Variants in PADI6 observed in about 807,000 individuals in gnomAD.
The protein encoded by PADI6 is inactive protein-arginine deiminase type-6.
Under a neutral mutation model 78.2 loss-of-function variants are expected in PADI6, and 66 were observed. The ratio of observed to expected loss-of-function variants is 0.84; its 90% CI spans 0.69 to 1.04. PADI6 has a LOEUF of 1.04. Among genes scored for constraint, PADI6 ranks in the 50% least tolerant of loss-of-function variants. PADI6 has a pLI of 0.00. For synonymous variants in PADI6, 397 were observed against 346.9 expected, an observed-to-expected ratio of 1.14 and a Z score of -1.60; for missense variants, 854 against 866.1, an observed-to-expected ratio of 0.99 and a Z score of 0.18.
intron 6 of PADI6, among the ~76,000 whole-genome samples, chr1:17,385,363 G>A (rs7523430): frequency 0.048 from 7,352 of 152,190 alleles, 232 homozygotes; most frequent in African/African-American, 0.077. Flanking sequence ...GTGTGGGAGT[G>A]GACAGTGTGT....
At chr1:17,376,182 C>T (rs2075014192) in intron 3 of PADI6, among the ~76,000 whole-genome samples, 1 of 151,444 alleles carries the variant, frequency 6.6e-6, no homozygotes, top group Admixed American at 6.6e-5. Context: ...ACCATGTTGG[C>T]CAGGCTGGTC....
Position 17,382,914 on chromosome 1 carries a change from C to G in PADI6, c.679+822C>G, listed in dbSNP as rs143910166. On this transcript the variant is annotated intron_variant, in intron 6 of 15. Transcript: ENST00000619609. ...CAAGCAGTCCTCCTACCTCACACTC[C>G]CAAGGAGCTGGTATGACAGGTGTGT... 3.3e-5 allele frequency among the ~76,000 whole-genome samples: 5 copies of G among 152,294 alleles called. No homozygotes were observed. In the East Asian group the frequency reaches 9.7e-4, roughly 29 times the overall value.
chr1:17,398,937 G>A (rs2100328746), intron 15 of PADI6, 90 bp downstream of exon 15: 9 of 1,392,076 alleles, frequency 6.5e-6, no homozygotes, highest in Middle Eastern at 1.9e-4. Context: ...CAGATATGGT[G>A]GACAGCAGAT....
At chr1:17,399,500 CAGG>C (rs1461114044) in intron 15 of PADI6, among the ~76,000 whole-genome samples, 2 of 152,018 alleles carry the variant, frequency 1.3e-5, no homozygotes, top group South Asian at 2.1e-4. Flanking sequence ...GAGGCAGAGA[CAGG>C]AGAATTGCTT....
intron 3 of PADI6, among the ~76,000 whole-genome samples, chr1:17,377,308 T>C (rs1409155183): frequency 1.3e-5 from 2 of 152,156 alleles, no homozygotes; most frequent in East Asian, 1.9e-4. Flanking sequence ...CTTAACACAC[T>C]TGAACGCTTC....
intron 6 of PADI6, among the ~76,000 whole-genome samples, chr1:17,387,024 A>G (rs899595539): frequency 1.3e-5 from 2 of 152,216 alleles, no homozygotes; most frequent in African/African-American, 4.8e-5. Flanking sequence ...GTCACCTGGA[A>G]TCTTGAGCAG....
At chr1:17,391,584 G>A (rs986811463) in intron 8 of PADI6, among the ~76,000 whole-genome samples, 2 of 152,238 alleles carry the variant, frequency 1.3e-5, no homozygotes, top group Non-Finnish European at 2.9e-5. Context: ...GATGGCCACT[G>A]TAGATCTGTG....
At chr1:17,393,674 C>T (rs914758492) in intron 9 of PADI6, among the ~76,000 whole-genome samples, 10 of 152,100 alleles carry the variant, frequency 6.6e-5, no homozygotes, top group Admixed American at 6.6e-4. Context: ...ACTGTCTCAC[C>T]ATGTTTCCCA....
intron 4 of PADI6, 41 bp from the exon 5 acceptor site, chr1:17,381,006 T>A: frequency 6.7e-7 from 1 of 1,492,206 alleles, no homozygotes. Flanking sequence ...AGAAGATTTA[T>A]TTGGCTCCTT....
At chr1:17,389,790 A>G (rs1383975834) in intron 8 of PADI6, among the ~76,000 whole-genome samples, 1 of 152,158 alleles carries the variant, frequency 6.6e-6, no homozygotes, top group African/African-American at 2.4e-5. Flanking sequence ...TAGACACAGC[A>G]TGGCTCAAGC....
At chr1:17,384,662 C>T (rs1393279511) in intron 6 of PADI6, among the ~76,000 whole-genome samples, 1 of 152,056 alleles carries the variant, frequency 6.6e-6, no homozygotes, top group Non-Finnish European at 1.5e-5. Flanking sequence ...TCATGTGAAC[C>T]CGGGAGGCAG....
At chr1:17,385,463 T>G (rs1398304430) in intron 6 of PADI6, among the ~76,000 whole-genome samples, 1 of 151,946 alleles carries the variant, frequency 6.6e-6, no homozygotes, top group African/African-American at 2.4e-5. Context: ...TAGGAGGATC[T>G]GGGACTGAGG....
intron 15 of PADI6, among the ~76,000 whole-genome samples, chr1:17,400,529 T>C (rs1257145596): frequency 1.3e-5 from 2 of 152,100 alleles, no homozygotes; most frequent in Admixed American, 6.6e-5. Context: ...TTTGTTTTTG[T>C]TTTTTAAATT....
intron 7 of PADI6, 104 bp from the exon 8 acceptor site, chr1:17,388,673 G>A (rs2075151357): frequency 6.9e-7 from 1 of 1,459,092 alleles, no homozygotes. Flanking sequence ...CAGAAGGCAA[G>A]TGGGGCCCAG....
intron 11 of PADI6, 144 bp from the exon 12 acceptor site, chr1:17,394,807 C>T (rs1001584012): frequency 1.0e-5 from 10 of 999,080 alleles, no homozygotes; most frequent in African/African-American, 6.5e-5. Context: ...GTAAGGGATT[C>T]GTAACCAACA....
At chr1:17,386,107 C>CT (rs1226553884) in intron 6 of PADI6, among the ~76,000 whole-genome samples, 1 of 152,112 alleles carries the variant, frequency 6.6e-6, no homozygotes, top group Non-Finnish European at 1.5e-5. Context: ...TCTGTGAGGA[C>CT]TGAGGGCAGG....
At position 17,372,254 on chromosome 1, in the gene PADI6, C is replaced by G. The variant is rs749396125; in HGVS notation, c.9C>G (p.Ser3Arg). MV[S>R]VEGRAMSFQS... is the part of the protein sequence containing the mutation. Reference sequence around the variant, plus strand: ...GCGGTGCAGGCCTGAGGATGGTCAGCGTGGAGGGCCGAGCCATGTCCTTCC... The same window carrying G: ...GCGGTGCAGGCCTGAGGATGGTCAGGGTGGAGGGCCGAGCCATGTCCTTCC... Residue 3 changes from serine (S) to arginine (R), a missense_variant, in exon 1 of 16, where the codon AGC becomes AGG. Transcript: ENST00000619609. The G allele has an allele frequency of 6.2e-7, 1 of 1,613,842 alleles. No individual in the cohort carries two copies. Among genetic ancestry groups the G allele is most frequent in the South Asian group, 1.1e-5 (1 of 91,082 alleles).
intron 11 of PADI6, 119 bp downstream of exon 11, chr1:17,394,573 G>A (rs1480154370): frequency 9.0e-7 from 1 of 1,110,136 alleles, no homozygotes; most frequent in East Asian, 2.6e-5. Context: ...TTCTTAAACT[G>A]AAGACATTTG....
intron 6 of PADI6, among the ~76,000 whole-genome samples, chr1:17,387,545 C>T (rs2075134035): frequency 6.6e-6 from 1 of 151,992 alleles, no homozygotes. Context: ...GTCAGGAGAT[C>T]AAGACCATCC....
Sources: gnomAD v4.1 joint callset for allele counts (sites outside exome capture counted in the v4.1 genomes callset) on GRCh38, gnomAD v4.1.1 for gene constraint, MANE v1.5 for transcripts, NCBI Gene and HGNC (gene_info 2026-07-23, HGNC 2026-07-21) for gene names.